Variants in ARAP2 observed in about 807,000 individuals in gnomAD.
ARAP2 encodes the protein ArfGAP with RhoGAP domain, ankyrin repeat and PH domain 2.
Under a neutral mutation model 194.5 loss-of-function variants are expected in ARAP2, and 148 were observed. That is an observed-to-expected ratio of 0.76 (90% CI 0.67 to 0.87). The LOEUF (loss-of-function observed/expected upper bound fraction) is 0.87, where lower values mean the gene tolerates loss of function less well. ARAP2 is among the 40% of genes least tolerant of loss of function. The pLI is 0.00. For missense variants in ARAP2, 2,128 were observed against 1,989.7 expected, an observed-to-expected ratio of 1.07 and a Z score of -1.32; for synonymous variants, 695 against 683.5, an observed-to-expected ratio of 1.02 and a Z score of -0.26.
chr4:36,212,487 T>C lies in ARAP2; in HGVS notation c.1042A>G (p.Lys348Glu), dbSNP rs1746975407. The C allele has an allele frequency of 2.5e-6, 4 of 1,609,730 alleles. No individual in the cohort carries two copies. The highest frequency in any genetic ancestry group is 3.4e-6 in the Non-Finnish European group (4 of 1,177,154). Residue 348 changes from lysine (K) to glutamate (E), a missense_variant and splice_region_variant, in exon 5 of 33, where the codon AAG (lysine) becomes GAG (glutamate). Coordinates refer to ENST00000303965, the MANE Select transcript of ARAP2 (RefSeq NM_015230.4). ...AAAAATTCATTCTTTATAGATCGCTTCTATTAAAAAAGCAAACAAACAAAA... is the reference window on the plus strand; with the variant it reads ...AAAAATTCATTCTTTATAGATCGCTCCTATTAAAAAAGCAAACAAACAAAA... The part of the protein sequence containing the change: ...FLFQRLENSK[K>E]RSIKNEFLTQ...
chr4:36,076,672 A>T (rs1279289778), intron 31 of ARAP2, among the ~76,000 whole-genome samples: 1 of 151,304 alleles, frequency 6.6e-6, no homozygotes. Context: ...CTTCTCCCCC[A>T]GGCATCTCAT....
At chr4:36,196,767 A>G (rs542668853) in intron 6 of ARAP2, among the ~76,000 whole-genome samples, 1 of 151,990 alleles carries the variant, frequency 6.6e-6, no homozygotes, top group South Asian at 2.1e-4. Context: ...TCAGCCATCA[A>G]AATCTGTGGG....
chr4:36,209,037 G>A (rs958165448), intron 6 of ARAP2, among the ~76,000 whole-genome samples: 8 of 152,090 alleles, frequency 5.3e-5, no homozygotes, highest in Non-Finnish European at 4.4e-5. Context: ...AATGTGCCTG[G>A]AGCATAAACA....
intron 24 of ARAP2, among the ~76,000 whole-genome samples, chr4:36,118,315 G>C (rs1721881226): frequency 7.0e-6 from 1 of 141,892 alleles, no homozygotes; most frequent in African/African-American, 2.5e-5. Flanking sequence ...AACTTAAAAA[G>C]TAAATACAAA....
chr4:36,159,780 G>C, intron 13 of ARAP2: 1 of 235,124 alleles, frequency 4.3e-6, no homozygotes, highest in Non-Finnish European at 8.0e-6. Context: ...TGCTTTGGAA[G>C]ACATTTTTAT....
At chr4:36,136,084 T>C (rs915874373) in intron 19 of ARAP2, among the ~76,000 whole-genome samples, 3 of 151,828 alleles carry the variant, frequency 2.0e-5, no homozygotes, top group Admixed American at 1.3e-4. Flanking sequence ...AATAGATGGT[T>C]TGACATTTAA....
intron 26 of ARAP2, among the ~76,000 whole-genome samples, chr4:36,108,674 A>T (rs532951861): frequency 5.9e-5 from 9 of 152,020 alleles, no homozygotes; most frequent in Non-Finnish European, 1.3e-4. Context: ...TTCTTAGCAT[A>T]GAGTTAAAAA....
intron 27 of ARAP2, among the ~76,000 whole-genome samples, chr4:36,093,345 CT>C (rs1364977638): frequency 2.6e-5 from 4 of 151,862 alleles, no homozygotes; most frequent in African/African-American, 9.7e-5. Context: ...GCATGTACCC[CT>C]GAACTTAAAA....
chr4:36,229,246 G>T lies in ARAP2; in HGVS notation c.241C>A (p.His81Asn). The T allele has an allele frequency of 6.2e-7, 1 of 1,613,972 alleles. No individual in the cohort carries two copies. The highest frequency in any genetic ancestry group is 8.5e-7 in the Non-Finnish European group (1 of 1,179,916). The change falls in exon 2 of 33, where the codon CAT (histidine) becomes AAT (asparagine). Residue 81 changes from histidine to asparagine, a missense_variant. Physicochemically the swap from His to Asn is moderately conservative, Grantham distance 68. Transcript: ENST00000303965. Reference sequence around the variant, plus strand: ...GGGTCATCATTCTTCTTAGTTTTATGAACATTTGCATATATTGGAATATCT... The same window carrying T: ...GGGTCATCATTCTTCTTAGTTTTATTAACATTTGCATATATTGGAATATCT... ...MQDIPIYANV[H>N]KTKKNDDPSK...
At chr4:36,200,754 A>C (rs539408404) in intron 6 of ARAP2, among the ~76,000 whole-genome samples, 12 of 152,304 alleles carry the variant, frequency 7.9e-5, no homozygotes, top group Admixed American at 6.5e-4. Context: ...TACTCCTCTC[A>C]TGTGTTTTTA....
chr4:36,135,302 T>C (rs1261076904), intron 19 of ARAP2, among the ~76,000 whole-genome samples: 1 of 151,710 alleles, frequency 6.6e-6, no homozygotes, highest in Non-Finnish European at 1.5e-5. Context: ...CTGTACCTAA[T>C]ATAAAAAGAG....
Position 36,133,217 on chromosome 4 carries a change from G to A in ARAP2, c.3427+9C>T. 1.2e-6 allele frequency: 2 copies of A among 1,609,258 alleles called. No individual in the cohort carries two copies. Among genetic ancestry groups the A allele is most frequent in the Non-Finnish European group, 8.5e-7 (1 of 1,177,038 alleles). On this transcript the variant is annotated intron_variant, in intron 20 of 32. Transcript: ENST00000303965. Reference sequence around the variant, plus strand: ...TCTAAGGGTTGAATAAAAACTCAGTGATACTTACCATACTGTGTAACAAAT... The same window carrying A: ...TCTAAGGGTTGAATAAAAACTCAGTAATACTTACCATACTGTGTAACAAAT...
At chr4:36,241,349 C>T (rs920759967) in intron 1 of ARAP2, among the ~76,000 whole-genome samples, 2 of 152,150 alleles carry the variant, frequency 1.3e-5, no homozygotes, top group Non-Finnish European at 2.9e-5. Flanking sequence ...GTTTCTTTTT[C>T]TTATAAAAAG....
At chr4:36,199,257 T>C (rs1263330109) in intron 6 of ARAP2, among the ~76,000 whole-genome samples, 2 of 152,246 alleles carry the variant, frequency 1.3e-5, no homozygotes, top group East Asian at 3.8e-4. Flanking sequence ...AAGTTTACCA[T>C]TAATTTCCAT....
In ARAP2 at chr4:36,128,661, C is replaced by A; in HGVS notation, c.3512G>T (p.Arg1171Ile). 1 of 1,612,824 alleles carries A rather than the reference C, an allele frequency of 6.2e-7. No individual in the cohort carries two copies. Among genetic ancestry groups the A allele is most frequent in the Non-Finnish European group, 8.5e-7 (1 of 1,179,380 alleles). ...TTTTCCAGCCCTCAATTTAAAGCTT[C>A]TTGCATCCTTTTTGAAACTCTCCAG... ...ELLESFKKDA[R>I]SFKLRAGKHQ... Residue 1171 changes from arginine to isoleucine, a missense_variant, in exon 21 of 33, where the codon AGA becomes ATA. Transcript: ENST00000303965.
chr4:36,092,364 C>G (rs1226570301), intron 27 of ARAP2, among the ~76,000 whole-genome samples: 1 of 152,142 alleles, frequency 6.6e-6, no homozygotes, highest in Non-Finnish European at 1.5e-5. Flanking sequence ...AATCCTAGCA[C>G]TTTGGGAGGC....
At chr4:36,203,980 T>C (rs1487784692) in intron 6 of ARAP2, among the ~76,000 whole-genome samples, 2 of 151,868 alleles carry the variant, frequency 1.3e-5, no homozygotes, top group Non-Finnish European at 2.9e-5. Flanking sequence ...CACTATGCCA[T>C]AAAAAGAACA....
intron 3 of ARAP2, among the ~76,000 whole-genome samples, chr4:36,047,642 C>T (rs958898151): frequency 1.3e-5 from 2 of 152,158 alleles, no homozygotes; most frequent in African/African-American, 4.8e-5. Context: ...TCAACTTATT[C>T]CTGAGGTTAC....
At chr4:36,217,485 C>T (rs1163794458) in intron 2 of ARAP2, among the ~76,000 whole-genome samples, 16 of 152,148 alleles carry the variant, frequency 1.1e-4, no homozygotes, top group African/African-American at 2.4e-5. Context: ...CACGCCACTG[C>T]ACTCCAGCCT....
Sources: gnomAD v4.1 joint callset for allele counts (sites outside exome capture counted in the v4.1 genomes callset) on GRCh38, gnomAD v4.1.1 for gene constraint, MANE v1.5 for transcripts, NCBI Gene and HGNC (gene_info 2026-07-23, HGNC 2026-07-21) for gene names.